The following MAGI3 variants were observed in gnomAD, a reference collection of about 807,000 sequenced individuals.
The protein encoded by MAGI3 is membrane-associated guanylate kinase, WW and PDZ domain-containing protein 3.
In MAGI3, 43 loss-of-function variants were observed where a neutral mutation model predicts 121.8. That is an observed-to-expected ratio of 0.35 (90% CI 0.28 to 0.46). The LOEUF is 0.46. Among genes scored for constraint, MAGI3 ranks in the 20% least tolerant of loss-of-function variants. MAGI3 has a pLI of 1.00. For synonymous variants in MAGI3, 553 were observed against 639.3 expected (o/e 0.86, Z 2.04); for missense variants, 1,547 against 1,797.3 (o/e 0.86, Z 2.52).
intron 19 of MAGI3, among the ~76,000 whole-genome samples, chr1:113,680,626 G>T (rs973859528): frequency 3.4e-4 from 51 of 152,030 alleles, no homozygotes; most frequent in Middle Eastern, 3.4e-3. Context: ...GCGTGGTGGC[G>T]GGCGCCTGTA....
At chr1:113,398,368 T>C (rs570001492) in intron 1 of MAGI3, among the ~76,000 whole-genome samples, 9 of 152,194 alleles carry the variant, frequency 5.9e-5, no homozygotes, top group Non-Finnish European at 1.2e-4. Flanking sequence ...GCAGTGGTAA[T>C]TGGAAAAAAT....
rs1437325465 is a variant in MAGI3, at chr1:113,391,435, C to A, written c.316+86C>A. The A allele has an allele frequency of 1.0e-5, 14 of 1,395,964 alleles. No individual in the cohort carries two copies. Among genetic ancestry groups the A allele is most frequent in the Non-Finnish European group, 3.0e-6 (3 of 1,014,074 alleles). 86.5% of individuals were successfully genotyped at this position (1,395,964 alleles called of 1,614,324 possible). A position where few individuals can be genotyped will look rare whatever the true frequency, so the allele number is the denominator to read the frequency against. Reference sequence around the variant, plus strand: ...CCTGGGAGCGGCGGCACCTCCCCACCGCGTATTGTCCCGGGTAATCTTAGA... The same window carrying A: ...CCTGGGAGCGGCGGCACCTCCCCACAGCGTATTGTCCCGGGTAATCTTAGA... On this transcript the variant is annotated intron_variant, in intron 1 of 20. Transcript: ENST00000307546. The surrounding 1 kb of genome is among the most constrained non-coding windows in gnomAD (Gnocchi z 4.4).
At position 113,562,434 on chromosome 1, in the gene MAGI3, A is replaced by C. The variant is rs1334995583; in HGVS notation, c.433+12803A>C. ...AGAAATCAGAGATGATGACACAAAC[A>C]AATGGAAAAACATTCCATACTTATG... On this transcript the variant is annotated intron_variant, in intron 2 of 20. Transcript: ENST00000307546. Among the ~76,000 whole-genome samples, 4 of 152,206 alleles carry C rather than the reference A, an allele frequency of 2.6e-5. No homozygotes were observed. The East Asian group carries it at 7.7e-4, about 29-fold the overall frequency.
chr1:113,468,621 A>G (rs1461183706), intron 1 of MAGI3, among the ~76,000 whole-genome samples: 3 of 152,176 alleles, frequency 2.0e-5, no homozygotes, highest in Non-Finnish European at 4.4e-5. Context: ...ATCTGCATTG[A>G]GATATGCCGT....
chr1:113,401,481 T>G (rs1467178928), intron 1 of MAGI3, among the ~76,000 whole-genome samples: 5 of 152,140 alleles, frequency 3.3e-5, no homozygotes, highest in Non-Finnish European at 7.4e-5. Context: ...TTGCTACATT[T>G]GTAAGAGAAT....
At chr1:113,440,384 CTT>C (rs2101455130) in intron 1 of MAGI3, among the ~76,000 whole-genome samples, 1 of 152,292 alleles carries the variant, frequency 6.6e-6, no homozygotes, top group African/African-American at 2.4e-5. Context: ...AAGTTTCTTT[CTT>C]TCTTTCTCAT....
At chr1:113,402,261 G>T (rs888402098) in intron 1 of MAGI3, among the ~76,000 whole-genome samples, 3 of 152,164 alleles carry the variant, frequency 2.0e-5, no homozygotes, top group African/African-American at 7.2e-5. Flanking sequence ...CAGTGTGCAT[G>T]AATGTGGTTA....
At chr1:113,428,743 T>G (rs1428402018) in intron 1 of MAGI3, among the ~76,000 whole-genome samples, 1 of 152,200 alleles carries the variant, frequency 6.6e-6, no homozygotes, top group Admixed American at 6.5e-5. Flanking sequence ...ATTTAACATG[T>G]GTGGCACGTC....
chr1:113,473,259 T>G (rs190023785), intron 1 of MAGI3, among the ~76,000 whole-genome samples: 3 of 152,222 alleles, frequency 2.0e-5, no homozygotes, highest in Admixed American at 2.0e-4. Context: ...CAGTACTTTA[T>G]TTATTTATTT....
At chr1:113,597,182 CA>C (rs1649071482) in intron 6 of MAGI3, among the ~76,000 whole-genome samples, 1 of 152,098 alleles carries the variant, frequency 6.6e-6, no homozygotes, top group African/African-American at 2.4e-5. Flanking sequence ...GTATGAATCT[CA>C]AAAACATGCT....
At chr1:113,480,148 T>C (rs1656040743) in intron 1 of MAGI3, among the ~76,000 whole-genome samples, 1 of 152,216 alleles carries the variant, frequency 6.6e-6, no homozygotes, top group African/African-American at 2.4e-5. Flanking sequence ...CTTTGTGGTG[T>C]CATATTTCCC....
Position 113,598,937 on chromosome 1 carries a change from C to T in MAGI3, c.1018+4377C>T, listed in dbSNP as rs572390927. Reference sequence around the variant, plus strand: ...ATATGATAGGCCACAAAACAAGTCTCAATAAATTTTTAAAACTCAAAATCT... The same window carrying T: ...ATATGATAGGCCACAAAACAAGTCTTAATAAATTTTTAAAACTCAAAATCT... On this transcript the variant is annotated intron_variant, in intron 6 of 20. Coordinates refer to ENST00000307546, the MANE Select transcript of MAGI3 (RefSeq NM_001142782.2). Among the ~76,000 whole-genome samples the T allele has an allele frequency of 5.3e-5, 8 of 152,280 alleles. No homozygotes were observed. The South Asian group carries it at 1.5e-3, about 28-fold the overall frequency.
chr1:113,521,377 C>T (rs1332704657), intron 1 of MAGI3, among the ~76,000 whole-genome samples: 1 of 151,102 alleles, frequency 6.6e-6, no homozygotes, highest in Non-Finnish European at 1.5e-5. Context: ...TGAGCCACCA[C>T]GCCTGGCCAG....
intron 4 of MAGI3, among the ~76,000 whole-genome samples, chr1:113,586,469 C>T (rs930114921): frequency 3.3e-5 from 5 of 152,084 alleles, no homozygotes; most frequent in African/African-American, 4.8e-5. Flanking sequence ...TTAATACATT[C>T]ATTGTTTATG....
intron 1 of MAGI3, among the ~76,000 whole-genome samples, chr1:113,479,870 C>T (rs915541564): frequency 6.6e-6 from 1 of 152,034 alleles, no homozygotes; most frequent in Admixed American, 6.6e-5. Flanking sequence ...ATCAAGTGTG[C>T]TGTCGAAAGC....
rs763152312 is a variant in MAGI3 at position 113,671,745 on chromosome 1, C to T, written c.2827C>T (p.Pro943Ser). Residue 943 changes from proline to serine, a missense_variant, in exon 17 of 21, where the codon CCA (proline) becomes TCA (serine). By Grantham distance (74) the Pro-to-Ser change is moderately conservative. Coordinates refer to ENST00000307546, the MANE Select transcript of MAGI3 (RefSeq NM_001142782.2). ...TCTCATTTGAACAGAGCATCATGGTCCACCATCAGGAACAAACTCAGCCAG... is the reference window on the plus strand; with the variant it reads ...TCTCATTTGAACAGAGCATCATGGTTCACCATCAGGAACAAACTCAGCCAG... ...TVIAEEEHHG[P>S]PSGTNSARQS... The T allele has an allele frequency of 6.2e-7, 1 of 1,614,172 alleles. No homozygotes were observed. The highest frequency in any genetic ancestry group is 8.5e-7 in the Non-Finnish European group (1 of 1,179,998).
At chr1:113,484,932 C>T (rs1335429330) in intron 1 of MAGI3, among the ~76,000 whole-genome samples, 1 of 151,474 alleles carries the variant, frequency 6.6e-6, no homozygotes, top group Non-Finnish European at 1.5e-5. Context: ...TGGGGTTTCA[C>T]CATGTTGGCC....
rs1246491948 is a variant in MAGI3, at chr1:113,503,069, G to A, written c.317-46446G>A. On this transcript the variant is annotated intron_variant, in intron 1 of 20. Transcript: ENST00000307546. ...AATATCACACTCTGGGGACTGTGGT[G>A]GGGTCGGGGGAGGGGGGAGGGGTAG... 5.4e-5 allele frequency among the ~76,000 whole-genome samples: 4 copies of A among 74,002 alleles called. No individual in the cohort carries two copies. In the East Asian group the frequency reaches 2.7e-3, roughly 51 times the overall value. The allele number at this position is 74,002 out of a possible 152,430, so 48.5% of individuals were successfully genotyped here.
At chr1:113,653,528 C>T (rs527649452) in intron 14 of MAGI3, among the ~76,000 whole-genome samples, 4 of 151,666 alleles carry the variant, frequency 2.6e-5, no homozygotes, top group South Asian at 2.1e-4. Flanking sequence ...GCCGAGATCG[C>T]GCCACTGCAC....
Sources: allele counts gnomAD v4.1 joint callset (sites outside exome capture counted in the v4.1 genomes callset), GRCh38; gene constraint gnomAD v4.1.1; non-coding constraint Gnocchi (gnomAD v3.1); transcripts MANE v1.5; gene names NCBI Gene and HGNC (gene_info 2026-07-23, HGNC 2026-07-21).